KLHL15: variants seen among roughly 807,000 people sequenced by gnomAD.
The protein encoded by KLHL15 is kelch-like protein 15.
KLHL15 carries 1 observed loss-of-function variant against 29.3 expected under a neutral mutation model. The ratio of observed to expected loss-of-function variants is 0.03; its 90% CI spans 0.01 to 0.16. KLHL15 has a LOEUF of 0.16. KLHL15 is among the 10% of genes least tolerant of loss of function. The probability of loss-of-function intolerance (pLI) is 1.00; values close to 1 mark genes in which losing one functional copy is unlikely to be tolerated. For missense variants in KLHL15, 215 were observed against 478.5 expected, an observed-to-expected ratio of 0.45 and a Z score of 5.14; for synonymous variants, 212 against 184.5, an observed-to-expected ratio of 1.15 and a Z score of -1.21.
At chrX:24,005,124 G>A (rs926895331) in intron 3 of KLHL15, among the ~76,000 whole-genome samples, 1 of 111,751 alleles carries the variant, frequency 8.9e-6, no homozygotes, top group Non-Finnish European at 1.9e-5. Flanking sequence ...GAAGTAAACA[G>A]AGCCCCAGAG....
intron 3 of KLHL15, among the ~76,000 whole-genome samples, chrX:23,991,467 C>T (rs1380365338): frequency 9.1e-6 from 1 of 109,808 alleles, no homozygotes; most frequent in African/African-American, 3.3e-5. Flanking sequence ...TACAGTGAGC[C>T]AAGATCATGC....
In KLHL15 at chrX:24,013,429, A is replaced by AT. The variant is rs938763818; in HGVS notation, c.-7-6730dup. 2.1e-4 allele frequency among the ~76,000 whole-genome samples: 23 copies of AT among 108,842 alleles called. 1 individual carries two copies. In the East Asian group the frequency reaches 2.3e-3, roughly 11 times the overall value. 94.5% of individuals were successfully genotyped at this position (108,842 alleles called of 115,157 possible). On this transcript the variant is annotated intron_variant, in intron 2 of 3. Coordinates refer to ENST00000328046, the MANE Select transcript of KLHL15 (RefSeq NM_030624.3). ...AGATACACGCCACCAGACTCGGCTAATTTTTTTTTATTTTTAGTAGAGAAG... is the reference window on the plus strand; with the variant it reads ...AGATACACGCCACCAGACTCGGCTAATTTTTTTTTTATTTTTAGTAGAGAAG...
chrX:23,984,208 T>C lies in KLHL15; in HGVS notation c.*3713A>G, dbSNP rs1156992501. 1.8e-5 allele frequency: 2 copies of C among 112,107 alleles called. No individual in the cohort carries two copies. Among genetic ancestry groups the C allele is most frequent in the Non-Finnish European group, 3.8e-5 (2 of 53,166 alleles). The allele number at this position is 112,107 out of a possible 1,213,427, so 9.2% of individuals were successfully genotyped here. The stretch of plus-strand genomic sequence containing the variant: ...ATTCTCCTCAATGTTACTTGTGTAA[T>C]ATTGAAGTTATACGGTGTACTGAAA... On this transcript the variant is annotated 3_prime_UTR_variant, in exon 4 of 4. Coordinates refer to ENST00000328046, the MANE Select transcript of KLHL15 (RefSeq NM_030624.3).
At chrX:24,001,825 AAAG>A (rs1412751103) in intron 3 of KLHL15, among the ~76,000 whole-genome samples, 20 of 100,420 alleles carry the variant, frequency 2.0e-4, no homozygotes, top group African/African-American at 6.6e-4. Context: ...AAAAAAAAAA[AAAG>A]AAGAAGAAAA....
chrX:24,016,368 A>AAAAG (rs1555978285), intron 2 of KLHL15, among the ~76,000 whole-genome samples: 55 of 76,487 alleles, frequency 7.2e-4, no homozygotes, highest in South Asian at 7.5e-4. Flanking sequence ...AAAAAAAAAA[A>AAAAG]GGGGGGGTAT....
intron 2 of KLHL15, among the ~76,000 whole-genome samples, chrX:24,016,644 G>A (rs1215590503): frequency 2.8e-5 from 3 of 107,526 alleles, no homozygotes; most frequent in Non-Finnish European, 5.8e-5. Context: ...TCCAGCCTGG[G>A]CAAAAGAGTG....
At chrX:23,995,406 C>CA (rs144296339) in intron 3 of KLHL15, among the ~76,000 whole-genome samples, 8,719 of 34,154 alleles carry the variant, frequency 0.26, 1,128 homozygotes, top group East Asian at 0.53. Context: ...GACTCTGTCT[C>CA]AAAAAAAAAA....
At chrX:23,998,854 A>C (rs1363771528) in intron 3 of KLHL15, among the ~76,000 whole-genome samples, 1 of 111,309 alleles carries the variant, frequency 9.0e-6, no homozygotes, top group African/African-American at 3.3e-5. Context: ...ATTTCTGCTT[A>C]TCATTTGTTT....
intron 2 of KLHL15, among the ~76,000 whole-genome samples, chrX:24,017,779 CAA>C (rs531099917): frequency 0.1 from 4,273 of 42,315 alleles, 205 homozygotes; most frequent in African/African-American, 0.2. Flanking sequence ...GACCATGTCC[CAA>C]AAAAAAAAAA....
intron 3 of KLHL15, among the ~76,000 whole-genome samples, chrX:24,003,884 AG>A (rs757612201): frequency 9.2e-6 from 1 of 108,278 alleles, no homozygotes; most frequent in East Asian, 2.9e-4. Context: ...GGCCAGCTCA[AG>A]ACCAGCCTGG....
intron 2 of KLHL15, among the ~76,000 whole-genome samples, chrX:24,008,881 AAAC>A (rs1198281472): frequency 2.0e-5 from 2 of 101,932 alleles, no homozygotes; most frequent in African/African-American, 6.9e-5. Context: ...GAAAAAAAAA[AAAC>A]AAAACAAAAA....
rs371763402 is a variant in KLHL15 at position 24,005,875 on chromosome X, T to C, written c.705+114A>G. 150 of 535,406 alleles carry C rather than the reference T, an allele frequency of 2.8e-4. No individual in the cohort carries two copies. In the African/African-American group the frequency reaches 2.9e-3, roughly 10 times the overall value. The allele number at this position is 535,406 out of a possible 1,213,427, so 44.1% of individuals were successfully genotyped here. On this transcript the variant is annotated intron_variant, in intron 3 of 3. Coordinates refer to ENST00000328046, the MANE Select transcript of KLHL15 (RefSeq NM_030624.3). ...ATTCATTCTTGAATAACATAAGAAA[T>C]AACAAAATGAAGTTATTCATTCTTG... is the stretch of plus-strand genomic sequence containing the variant.
chrX:23,989,309 C>T (rs1929037104), intron 3 of KLHL15, among the ~76,000 whole-genome samples: 1 of 109,261 alleles, frequency 9.2e-6, no homozygotes, highest in South Asian at 4.0e-4. Context: ...TCTGCCTCAG[C>T]CTCCTGAGGC....
intron 2 of KLHL15, among the ~76,000 whole-genome samples, chrX:24,021,844 A>G (rs1929811395): frequency 9.0e-6 from 1 of 110,740 alleles, no homozygotes; most frequent in Admixed American, 9.7e-5. Flanking sequence ...AAAAAGCACC[A>G]CATGAGCTAT....
chrX:24,005,398 A>G (rs956346869), intron 3 of KLHL15, among the ~76,000 whole-genome samples: 1 of 112,394 alleles, frequency 8.9e-6, no homozygotes, highest in African/African-American at 3.2e-5. Context: ...TTTTAGACAT[A>G]TAACATGTTT....
intron 3 of KLHL15, 56 bp downstream of exon 3, chrX:24,005,933 C>T: frequency 5.6e-6 from 5 of 892,972 alleles, no homozygotes; most frequent in Non-Finnish European, 7.9e-6. Context: ...TCTATAAAGA[C>T]ATACACTGCC....
At chrX:23,996,402 A>C (rs1356234168) in intron 3 of KLHL15, among the ~76,000 whole-genome samples, 2 of 111,955 alleles carry the variant, frequency 1.8e-5, no homozygotes, top group African/African-American at 6.5e-5. Context: ...GTGGTGGCTC[A>C]CGCCTGTAAT....
chrX:24,025,776 C>G (rs1376858227), intron 1 of KLHL15, among the ~76,000 whole-genome samples: 1 of 110,055 alleles, frequency 9.1e-6, no homozygotes, highest in African/African-American at 3.3e-5. Flanking sequence ...CGCGTCCCGG[C>G]TGCCGGCCCG....
chrX:24,009,921 C>T (rs193001427), intron 2 of KLHL15, among the ~76,000 whole-genome samples: 17 of 90,897 alleles, frequency 1.9e-4, no homozygotes, highest in East Asian at 3.8e-4. Flanking sequence ...ACCTGGGAGA[C>T]GGAGGCTGCA....
Sources: allele counts gnomAD v4.1 joint callset (sites outside exome capture counted in the v4.1 genomes callset), GRCh38; gene constraint gnomAD v4.1.1; transcripts MANE v1.5; gene names NCBI Gene and HGNC (gene_info 2026-07-23, HGNC 2026-07-21).